EPHA3: variants seen among roughly 807,000 people sequenced by gnomAD.
EPHA3 encodes the protein EPH receptor A3.
A neutral mutation model predicts 107.1 loss-of-function variants in EPHA3; 42 were observed. The ratio of observed to expected loss-of-function variants is 0.39; its 90% CI spans 0.31 to 0.51. EPHA3 has a LOEUF of 0.51. Among genes scored for constraint, EPHA3 ranks in the 20% least tolerant of loss-of-function variants. The pLI is 0.78. For synonymous variants in EPHA3, 461 were observed against 424.8 expected (o/e 1.09, Z -1.05); for missense variants, 1,183 against 1,211.2 (o/e 0.98, Z 0.35).
chr3:89,422,930 C>T (rs1709382076), intron 11 of EPHA3, among the ~76,000 whole-genome samples: 1 of 151,280 alleles, frequency 6.6e-6, no homozygotes, highest in African/African-American at 2.4e-5. Flanking sequence ...CTCTGATCTT[C>T]AAAGTAGCAG....
At chr3:89,451,880 C>CAT (rs924954431) in intron 15 of EPHA3, among the ~76,000 whole-genome samples, 2 of 144,186 alleles carry the variant, frequency 1.4e-5, no homozygotes, top group Non-Finnish European at 3.1e-5. Flanking sequence ...TCAAGCAGGG[C>CAT]GTGTGTGTGT....
rs145225972 is a variant in EPHA3, at chr3:89,361,547, T to C, written c.1306+19457T>C. 1.8e-3 allele frequency among the ~76,000 whole-genome samples: 272 copies of C among 151,278 alleles called. 1 individual carries two copies. The highest frequency in any genetic ancestry group is 6.4e-3 in the African/African-American group (266 of 41,460). ...TGCATTCTGAATGGCATTTATCTTT[T>C]GAATTTCAAACATTCCTACCATAAA... On this transcript the variant is annotated intron_variant, in intron 5 of 16. Transcript: ENST00000336596.
intron 2 of EPHA3, among the ~76,000 whole-genome samples, chr3:89,174,281 A>T (rs1233271467): frequency 1.3e-5 from 2 of 152,004 alleles, no homozygotes; most frequent in Admixed American, 6.5e-5. Flanking sequence ...TAGTAATAAG[A>T]TTATAATATC....
intron 5 of EPHA3, among the ~76,000 whole-genome samples, chr3:89,357,347 G>A (rs1348266330): frequency 6.6e-6 from 1 of 150,650 alleles, no homozygotes; most frequent in Admixed American, 6.7e-5. Flanking sequence ...GACTGTTAGT[G>A]GTTGACTTTT....
chr3:89,168,468 T>A (rs1253125188), intron 2 of EPHA3, among the ~76,000 whole-genome samples: 1 of 152,094 alleles, frequency 6.6e-6, no homozygotes, highest in African/African-American at 2.4e-5. Context: ...CCAAAAAAAA[T>A]TTAAAAACAG....
intron 3 of EPHA3, among the ~76,000 whole-genome samples, chr3:89,336,988 T>G (rs542842477): frequency 6.6e-6 from 1 of 151,102 alleles, no homozygotes; most frequent in South Asian, 2.1e-4. Context: ...AGGTGGAGGC[T>G]GTAGTGAGCT....
At chr3:89,278,746 T>C (rs1414625076) in intron 3 of EPHA3, among the ~76,000 whole-genome samples, 1 of 152,210 alleles carries the variant, frequency 6.6e-6, no homozygotes, top group Non-Finnish European at 1.5e-5. Context: ...ATCAACTTCT[T>C]GAGTAAAGCA....
At chr3:89,369,161 G>A (rs967700554) in intron 5 of EPHA3, among the ~76,000 whole-genome samples, 23 of 150,160 alleles carry the variant, frequency 1.5e-4, no homozygotes, top group African/African-American at 5.6e-4. Flanking sequence ...AGAAGGAATG[G>A]AAACAACAAA....
intron 3 of EPHA3, among the ~76,000 whole-genome samples, chr3:89,312,720 T>C (rs930672658): frequency 3.9e-5 from 6 of 151,932 alleles, no homozygotes; most frequent in Admixed American, 3.3e-4. Flanking sequence ...TTTTTTCTGA[T>C]GCCCTCCCTC....
At chr3:89,423,096 T>C (rs1237334755) in intron 11 of EPHA3, among the ~76,000 whole-genome samples, 4 of 151,476 alleles carry the variant, frequency 2.6e-5, no homozygotes, top group African/African-American at 9.7e-5. Flanking sequence ...AAGAACACCT[T>C]CCATTGGCCA....
chr3:89,447,188 T>C (rs541151818), intron 13 of EPHA3, among the ~76,000 whole-genome samples: 3 of 152,204 alleles, frequency 2.0e-5, no homozygotes, highest in South Asian at 2.1e-4. Flanking sequence ...CACTGTAGTT[T>C]ATCTCCCTAA....
intron 2 of EPHA3, among the ~76,000 whole-genome samples, chr3:89,139,753 G>A (rs146745642): frequency 2.0e-5 from 3 of 151,832 alleles, no homozygotes; most frequent in Non-Finnish European, 2.9e-5. Context: ...TGAAGGTCAC[G>A]TCATTACCTT....
At chr3:89,247,660 G>A (rs1705068480) in intron 3 of EPHA3, among the ~76,000 whole-genome samples, 1 of 152,124 alleles carries the variant, frequency 6.6e-6, no homozygotes, top group East Asian at 1.9e-4. Flanking sequence ...GAAATATGAG[G>A]CAAAAACTAG....
chr3:89,358,026 T>C lies in EPHA3; in HGVS notation c.1306+15936T>C, dbSNP rs558709977. On this transcript the variant is annotated intron_variant, in intron 5 of 16. Transcript: ENST00000336596. ...TATTCATATGTGTATGTGTTTATAT[T>C]TGTATATTCATGTGCGTGTGTATAT... Among the ~76,000 whole-genome samples, 97 of 151,420 alleles carry C rather than the reference T, an allele frequency of 6.4e-4. 4 individuals are homozygous for C. Among genetic ancestry groups the C allele is most frequent in the Non-Finnish European group, 1.2e-3 (80 of 67,580 alleles).
chr3:89,162,773 T>G lies in EPHA3; in HGVS notation c.153+35500T>G, dbSNP rs1263933495. On this transcript the variant is annotated intron_variant, in intron 2 of 16. Coordinates refer to ENST00000336596, the MANE Select transcript of EPHA3 (RefSeq NM_005233.6). The stretch of plus-strand genomic sequence containing the variant: ...AGAAAGATCTTGAATTGGGCTGAGA[T>G]TGCAAGGCCTTTTTATTCCTGCAAA... Among the ~76,000 whole-genome samples, 3 of 152,260 alleles carry G rather than the reference T, an allele frequency of 2.0e-5. No individual in the cohort carries two copies. The South Asian group carries it at 6.2e-4, about 32-fold the overall frequency.
chr3:89,397,937 T>G (rs1708884010), intron 6 of EPHA3, among the ~76,000 whole-genome samples: 1 of 152,222 alleles, frequency 6.6e-6, no homozygotes, highest in Admixed American at 6.5e-5. Flanking sequence ...ATCTATTGAT[T>G]ATTCCCTAAG....
rs1709851229 is a variant in EPHA3, at chr3:89,444,870, T to C, written c.2347-4355T>C. Among the ~76,000 whole-genome samples the C allele has an allele frequency of 2.0e-5, 3 of 152,120 alleles. No homozygotes were observed. The East Asian group carries it at 5.8e-4, about 29-fold the overall frequency. On this transcript the variant is annotated intron_variant, in intron 13 of 16. Coordinates refer to ENST00000336596, the MANE Select transcript of EPHA3 (RefSeq NM_005233.6). Reference sequence around the variant, plus strand: ...TCTGTGATTATTTCATTATTGGAGCTAAACTAATCCGTCTAATAAGCTACC... The same window carrying C: ...TCTGTGATTATTTCATTATTGGAGCCAAACTAATCCGTCTAATAAGCTACC...
chr3:89,286,769 TGAA>T (rs879549039), intron 3 of EPHA3, among the ~76,000 whole-genome samples: 13 of 152,084 alleles, frequency 8.5e-5, no homozygotes, highest in Non-Finnish European at 1.6e-4. Context: ...GGTGAGGAAA[TGAA>T]GAAGTGTACA....
intron 16 of EPHA3, among the ~76,000 whole-genome samples, chr3:89,476,959 G>T (rs1338731556): frequency 1.3e-5 from 2 of 152,054 alleles, no homozygotes; most frequent in East Asian, 1.9e-4. Flanking sequence ...TAAAACATAG[G>T]ATATGGTATT....
Sources: allele counts gnomAD v4.1 joint callset (sites outside exome capture counted in the v4.1 genomes callset), GRCh38; gene constraint gnomAD v4.1.1; transcripts MANE v1.5; gene names NCBI Gene and HGNC (gene_info 2026-07-23, HGNC 2026-07-21).